OPCML: variants seen among roughly 807,000 people sequenced by gnomAD.
The protein encoded by OPCML is opioid binding protein/cell adhesion molecule like.
Under a neutral mutation model 37.8 loss-of-function variants are expected in OPCML, and 13 were observed. The ratio of observed to expected loss-of-function variants is 0.34; its 90% CI spans 0.22 to 0.55. The LOEUF (loss-of-function observed/expected upper bound fraction) is 0.55. Ranked by LOEUF, OPCML falls within the 20% of genes least tolerant of loss-of-function variation. OPCML has a pLI of 0.91. For synonymous variants in OPCML, 176 were observed against 168.8 expected (o/e 1.04, Z -0.33); for missense variants, 341 against 435.6 (o/e 0.78, Z 1.93).
chr11:133,169,017 C>G (rs1201480349), intron 1 of OPCML, among the ~76,000 whole-genome samples: 1 of 152,084 alleles, frequency 6.6e-6, no homozygotes, highest in Non-Finnish European at 1.5e-5. Context: ...GTAATCCCAG[C>G]TACTTGGGAG....
At chr11:132,828,552 A>C (rs1160333065) in intron 2 of OPCML, among the ~76,000 whole-genome samples, 1 of 110,550 alleles carries the variant, frequency 9.0e-6, no homozygotes, top group Non-Finnish European at 2.0e-5. Context: ...AGCTCTTTTA[A>C]AAAAAAAAGT....
At chr11:132,536,004 C>T (rs1201675017) in intron 3 of OPCML, among the ~76,000 whole-genome samples, 4 of 152,086 alleles carry the variant, frequency 2.6e-5, no homozygotes, top group Non-Finnish European at 5.9e-5. Flanking sequence ...GAACAGGAAG[C>T]AATAGTGTCA....
At chr11:133,425,544 T>G (rs1945984622) in intron 1 of OPCML, among the ~76,000 whole-genome samples, 1 of 152,192 alleles carries the variant, frequency 6.6e-6, no homozygotes, top group Non-Finnish European at 1.5e-5. Flanking sequence ...AGAAAGTGGC[T>G]TTGTGAACTC....
chr11:133,203,760 A>G (rs897510637), intron 1 of OPCML, among the ~76,000 whole-genome samples: 1 of 152,208 alleles, frequency 6.6e-6, no homozygotes, highest in African/African-American at 2.4e-5. Context: ...AGAATAATTT[A>G]AACAGATGCA....
intron 3 of OPCML, among the ~76,000 whole-genome samples, chr11:132,612,078 T>C (rs1028920493): frequency 6.6e-6 from 1 of 152,208 alleles, no homozygotes; most frequent in African/African-American, 2.4e-5. Context: ...ATTAAGAGTA[T>C]GGTAACCAGG....
rs190604121 is a variant in OPCML, at chr11:132,736,485, G to A, written c.147-79166C>T. ...TTCTAAAATGCCCCCAACCATCCTT[G>A]CCTCCTGGCAGTTATGCCCCACTAC... is the stretch of plus-strand genomic sequence containing the variant. On this transcript the variant is annotated intron_variant, in intron 2 of 7. Coordinates refer to ENST00000524381, the MANE Select transcript of OPCML (RefSeq NM_001012393.5). Among the ~76,000 whole-genome samples, 10 of 152,324 alleles carry A rather than the reference G, an allele frequency of 6.6e-5. No individual in the cohort carries two copies. The East Asian group carries it at 1.3e-3, about 21-fold the overall frequency.
intron 1 of OPCML, among the ~76,000 whole-genome samples, chr11:133,097,549 AAATG>A (rs1949021977): frequency 6.6e-6 from 1 of 152,184 alleles, no homozygotes; most frequent in African/African-American, 2.4e-5. Context: ...AGAAAAGAGA[AAATG>A]AACAGAGAAA....
chr11:132,566,075 CTGAT>C (rs1565670793), intron 3 of OPCML, among the ~76,000 whole-genome samples: 1 of 152,190 alleles, frequency 6.6e-6, no homozygotes. Flanking sequence ...TTGGCTCTGT[CTGAT>C]TAACATCTAT....
intron 2 of OPCML, among the ~76,000 whole-genome samples, chr11:132,848,913 G>A (rs562164224): frequency 2.6e-5 from 4 of 152,206 alleles, no homozygotes; most frequent in South Asian, 4.1e-4. Flanking sequence ...AGTCCTCTAC[G>A]AAAGGCAGGA....
intron 2 of OPCML, among the ~76,000 whole-genome samples, chr11:132,833,948 G>T (rs1940860690): frequency 6.6e-6 from 1 of 152,158 alleles, no homozygotes; most frequent in South Asian, 2.1e-4. Context: ...GTTCATTCTG[G>T]CACAAAAAGT....
intron 3 of OPCML, among the ~76,000 whole-genome samples, chr11:132,586,901 A>G (rs1040507580): frequency 1.3e-5 from 2 of 152,214 alleles, no homozygotes; most frequent in South Asian, 2.1e-4. Flanking sequence ...TTGCTTCCCA[A>G]CACTAATAAA....
chr11:133,500,371 C>A (rs1057483348), intron 1 of OPCML, among the ~76,000 whole-genome samples: 17 of 152,202 alleles, frequency 1.1e-4, no homozygotes, highest in African/African-American at 4.1e-4. Flanking sequence ...CTCCTGTCAC[C>A]AAGAGAATCC....
At chr11:132,815,348 C>A (rs1344941757) in intron 2 of OPCML, among the ~76,000 whole-genome samples, 6 of 152,158 alleles carry the variant, frequency 3.9e-5, no homozygotes, top group Admixed American at 3.9e-4. Flanking sequence ...ATGGCAGGGA[C>A]CTCCTGTGAA....
At chr11:133,508,232 C>T (rs916659642) in intron 1 of OPCML, among the ~76,000 whole-genome samples, 1 of 152,060 alleles carries the variant, frequency 6.6e-6, no homozygotes, top group Non-Finnish European at 1.5e-5. Flanking sequence ...CCAGGAAAGG[C>T]TACTTGGAAG....
chr11:132,654,303 A>T (rs1471888375), intron 3 of OPCML, among the ~76,000 whole-genome samples: 2 of 152,230 alleles, frequency 1.3e-5, no homozygotes, highest in African/African-American at 4.8e-5. Context: ...CCTGCCAAGG[A>T]TCCCAAGAGA....
At chr11:132,486,138 C>T (rs1353569716) in intron 4 of OPCML, among the ~76,000 whole-genome samples, 1 of 152,240 alleles carries the variant, frequency 6.6e-6, no homozygotes, top group East Asian at 1.9e-4. Flanking sequence ...AAGCTTGGTC[C>T]TCAAATCTTT....
intron 1 of OPCML, among the ~76,000 whole-genome samples, chr11:133,204,720 G>C (rs1220127219): frequency 6.6e-6 from 1 of 151,948 alleles, no homozygotes; most frequent in Non-Finnish European, 1.5e-5. Flanking sequence ...ACAGGCTAGG[G>C]ACAGGAGAGA....
chr11:132,819,409 G>T (rs1391365591), intron 2 of OPCML, among the ~76,000 whole-genome samples: 3 of 115,350 alleles, frequency 2.6e-5, no homozygotes, highest in Non-Finnish European at 6.0e-5. Flanking sequence ...ATATATAAAT[G>T]AAGAATTTTA....
chr11:133,009,158 CTT>C, intron 1 of OPCML: 1 of 985,294 alleles, frequency 1.0e-6, no homozygotes, highest in Non-Finnish European at 1.2e-6. Flanking sequence ...TTTATTTACT[CTT>C]TGTCCTTTCA....
Sources: allele counts gnomAD v4.1 joint callset (sites outside exome capture counted in the v4.1 genomes callset), GRCh38; gene constraint gnomAD v4.1.1; transcripts MANE v1.5; gene names NCBI Gene and HGNC (gene_info 2026-07-23, HGNC 2026-07-21).